Variants in ITK observed in about 807,000 individuals in gnomAD.
ITK encodes IL2 inducible T cell kinase.
In ITK, 45 loss-of-function variants were observed where a neutral mutation model predicts 87.6. The observed-to-expected ratio is 0.51, with a 90% confidence interval of 0.40 to 0.66. ITK has a LOEUF of 0.66. ITK is among the 30% of genes least tolerant of loss of function. The pLI is 0.00. For missense variants in ITK, 605 were observed against 766.3 expected, an observed-to-expected ratio of 0.79 and a Z score of 2.48; for synonymous variants, 303 against 273.6, an observed-to-expected ratio of 1.11 and a Z score of -1.06.
At chr5:157,231,103 G>A (rs543472303) in intron 7 of ITK, among the ~76,000 whole-genome samples, 1 of 152,270 alleles carries the variant, frequency 6.6e-6, no homozygotes, top group South Asian at 2.1e-4. Flanking sequence ...GTACCACCTG[G>A]TAACATAGTC....
rs932744670 is a variant in ITK at position 157,213,760 on chromosome 5, C to T, written c.326-431C>T. On this transcript the variant is annotated intron_variant, in intron 3 of 16. Coordinates refer to ENST00000422843, the MANE Select transcript of ITK (RefSeq NM_005546.4). The stretch of plus-strand genomic sequence containing the variant: ...TCCAACCAAAATCTTACTTCAAAGC[C>T]ACAAACCTAGAAGGGAGAAAACCAA... 1.4e-5 allele frequency: 5 copies of T among 350,010 alleles called. No homozygotes were observed. The Admixed American group carries it at 1.6e-4, about 11-fold the overall frequency. 21.7% of individuals were successfully genotyped at this position (350,010 alleles called of 1,614,324 possible).
intron 1 of ITK, among the ~76,000 whole-genome samples, chr5:157,201,267 T>C (rs1753967061): frequency 6.6e-6 from 1 of 151,516 alleles, no homozygotes; most frequent in South Asian, 2.1e-4. Flanking sequence ...GAGTGCTTTA[T>C]CTGTAAGTTT....
intron 2 of ITK, 63 bp from the exon 3 acceptor site, chr5:157,211,224 C>A: frequency 7.3e-7 from 1 of 1,375,854 alleles, no homozygotes; most frequent in Non-Finnish European, 1.0e-6. Context: ...CTCAGTAGGT[C>A]TGCTGTCAGT....
chr5:157,192,724 C>T (rs1464995470), intron 1 of ITK, among the ~76,000 whole-genome samples: 2 of 152,146 alleles, frequency 1.3e-5, no homozygotes, highest in African/African-American at 4.8e-5. Flanking sequence ...GGGAAACTGC[C>T]CAGAACCCTA....
At chr5:157,184,199 A>C (rs958115775) in intron 1 of ITK, among the ~76,000 whole-genome samples, 3 of 152,114 alleles carry the variant, frequency 2.0e-5, no homozygotes, top group African/African-American at 7.2e-5. Flanking sequence ...GGACAATGAG[A>C]GATAAGGGCA....
intron 16 of ITK, among the ~76,000 whole-genome samples, chr5:157,252,015 T>TA (rs950136154): frequency 3.3e-5 from 5 of 151,976 alleles, no homozygotes; most frequent in Non-Finnish European, 7.4e-5. Context: ...TGTCAATATC[T>TA]AAAAAAAATA....
chr5:157,227,169 C>T (rs1754548871), intron 6 of ITK, among the ~76,000 whole-genome samples: 1 of 152,106 alleles, frequency 6.6e-6, no homozygotes, highest in African/African-American at 2.4e-5. Flanking sequence ...TCTACTTAAA[C>T]TAGATTTTAA....
intron 15 of ITK, among the ~76,000 whole-genome samples, chr5:157,247,124 A>G (rs1267135253): frequency 6.6e-6 from 1 of 152,254 alleles, no homozygotes; most frequent in Non-Finnish European, 1.5e-5. Flanking sequence ...GCTTACTAGT[A>G]GTAGAAACCA....
chr5:157,193,007 C>T (rs533742163), intron 1 of ITK, among the ~76,000 whole-genome samples: 11 of 152,138 alleles, frequency 7.2e-5, no homozygotes, highest in South Asian at 2.1e-4. Context: ...CTTGACGGCA[C>T]GAGTTTGAGA....
At chr5:157,187,834 C>T (rs1233063506) in intron 1 of ITK, among the ~76,000 whole-genome samples, 5 of 151,560 alleles carry the variant, frequency 3.3e-5, no homozygotes, top group Middle Eastern at 6.3e-3. Flanking sequence ...GAACCTTGCT[C>T]TGTTGCCCAG....
rs1406879932 is a variant in ITK, at chr5:157,243,730, A to G, written c.1168A>G (p.Ile390Val). 2 of 1,614,094 alleles carry G rather than the reference A, an allele frequency of 1.2e-6. No homozygotes were observed. Among genetic ancestry groups the G allele is most frequent in the East Asian group, 2.2e-5 (1 of 44,892 alleles). ...CTGGCTCAACAAGGACAAGGTGGCT[A>G]TCAAAACCATTCGGGAAGGGGCTAT... ...GYWLNKDKVA[I>V]KTIREGAMSE... Residue 390 changes from isoleucine (I) to valine (V), a missense_variant, in exon 12 of 17, where the codon ATC becomes GTC. Ile to Val is a conservative substitution (Grantham distance 29, BLOSUM62 3). Transcript: ENST00000422843.
intron 6 of ITK, among the ~76,000 whole-genome samples, chr5:157,224,533 T>C (rs1452337165): frequency 1.3e-5 from 2 of 151,956 alleles, no homozygotes; most frequent in Non-Finnish European, 2.9e-5. Context: ...CCCAGCACTT[T>C]GATTGGGAGG....
intron 1 of ITK, among the ~76,000 whole-genome samples, chr5:157,194,412 C>T (rs1240863538): frequency 6.6e-6 from 1 of 152,136 alleles, no homozygotes; most frequent in African/African-American, 2.4e-5. Flanking sequence ...TCCAGATTAA[C>T]AACTAATAGC....
rs73814044 is a variant in ITK, at chr5:157,215,592, A to T, written c.454+1273A>T. On this transcript the variant is annotated intron_variant, in intron 4 of 16. Transcript: ENST00000422843. ...AAATGAAATGGAAAGTTTTCTCTGGATAGGATCCACCATAATAACAGAACG... is the reference window on the plus strand; with the variant it reads ...AAATGAAATGGAAAGTTTTCTCTGGTTAGGATCCACCATAATAACAGAACG... Among the ~76,000 whole-genome samples the T allele has an allele frequency of 7.0e-3, 1,062 of 152,330 alleles. 11 individuals are homozygous for T. The highest frequency in any genetic ancestry group is 0.024 in the African/African-American group (982 of 41,558).
At chr5:157,199,283 C>G (rs1257634058) in intron 1 of ITK, 3 of 152,012 alleles carry the variant, frequency 2.0e-5, no homozygotes, top group Admixed American at 1.3e-4. Flanking sequence ...GAGGAGAAAG[C>G]TGAAAACTGC....
intron 8 of ITK, among the ~76,000 whole-genome samples, chr5:157,236,948 C>T (rs1754787326): frequency 6.6e-6 from 1 of 152,108 alleles, no homozygotes; most frequent in Admixed American, 6.5e-5. Flanking sequence ...TAAGAGAATC[C>T]TTATACACTG....
rs1755218966 is a variant in ITK, at chr5:157,254,807, A to G, written c.*2129A>G. ...TTTAGAAAATTCCCCTGTGCATGGT[A>G]TTACCTTTTTCAAGCTCAGATTCAT... On this transcript the variant is annotated 3_prime_UTR_variant, in exon 17 of 17. Transcript: ENST00000422843. The G allele has an allele frequency of 9.2e-6, 2 of 217,412 alleles. No homozygotes were observed. Among genetic ancestry groups the G allele is most frequent in the South Asian group, 1.9e-4 (1 of 5,392 alleles). 13.5% of individuals were successfully genotyped at this position (217,412 alleles called of 1,614,324 possible).
At chr5:157,206,890 C>A (rs1461677489) in intron 1 of ITK, among the ~76,000 whole-genome samples, 3 of 151,998 alleles carry the variant, frequency 2.0e-5, no homozygotes, top group African/African-American at 7.2e-5. Context: ...TCCTTTGGTT[C>A]AGCTCTGATT....
chr5:157,234,271 C>A (rs1754731936), intron 8 of ITK, among the ~76,000 whole-genome samples: 1 of 151,982 alleles, frequency 6.6e-6, no homozygotes, highest in African/African-American at 2.4e-5. Flanking sequence ...CATGAGCCAC[C>A]ACGCCCAGCC....
Sources: allele counts gnomAD v4.1 joint callset (sites outside exome capture counted in the v4.1 genomes callset), GRCh38; gene constraint gnomAD v4.1.1; transcripts MANE v1.5; gene names NCBI Gene and HGNC (gene_info 2026-07-23, HGNC 2026-07-21).